Variants in FAM228B observed in about 807,000 individuals in gnomAD.
FAM228B encodes protein FAM228B.
A neutral mutation model predicts 42.6 loss-of-function variants in FAM228B; 38 were observed. The observed-to-expected ratio is 0.89, with a 90% CI of 0.69 to 1.17. The LOEUF is 1.17. Ranked by LOEUF, FAM228B falls within the 50% of genes most tolerant of loss-of-function variation. The pLI, the probability that FAM228B is intolerant of heterozygous loss-of-function variation, is 0.00. For missense variants in FAM228B, 344 were observed against 367.3 expected, an observed-to-expected ratio of 0.94 and a Z score of 0.52; for synonymous variants, 109 against 122.3, an observed-to-expected ratio of 0.89 and a Z score of 0.72.
intron 7 of FAM228B, among the ~76,000 whole-genome samples, chr2:24,149,957 A>G (rs909782704): frequency 2.0e-5 from 3 of 152,242 alleles, no homozygotes; most frequent in Non-Finnish European, 4.4e-5. Flanking sequence ...GACTGATTGC[A>G]TATACAAACG....
intron 2 of FAM228B, among the ~76,000 whole-genome samples, chr2:24,083,849 C>A (rs1403285802): frequency 6.6e-6 from 1 of 152,158 alleles, no homozygotes; most frequent in Non-Finnish European, 1.5e-5. Context: ...ACTGCTTAAC[C>A]TCACTGAACT....
At chr2:24,162,469 T>C (rs1243322884) in intron 8 of FAM228B, among the ~76,000 whole-genome samples, 1 of 152,208 alleles carries the variant, frequency 6.6e-6, no homozygotes, top group Non-Finnish European at 1.5e-5. Flanking sequence ...CAGATATTGC[T>C]GGAGGGAATG....
intron 3 of FAM228B, among the ~76,000 whole-genome samples, chr2:24,101,942 A>G (rs924527434): frequency 1.3e-5 from 2 of 152,288 alleles, no homozygotes; most frequent in Admixed American, 1.3e-4. Flanking sequence ...TTGGCTTCCC[A>G]AAGCGCTGGG....
intron 1 of FAM228B, chr2:24,079,432 T>C: frequency 6.2e-7 from 1 of 1,612,518 alleles, no homozygotes; most frequent in South Asian, 1.1e-5. Flanking sequence ...TTTCTTTTCA[T>C]TCATCACTCA....
At chr2:24,163,746 T>G (rs2151032272) in intron 8 of FAM228B, among the ~76,000 whole-genome samples, 1 of 152,306 alleles carries the variant, frequency 6.6e-6, no homozygotes, top group South Asian at 2.1e-4. Flanking sequence ...AGGAGGATAT[T>G]GCATTTCTGG....
intron 1 of FAM228B, chr2:24,078,933 G>A (rs980995757): frequency 6.5e-6 from 1 of 154,878 alleles, no homozygotes; most frequent in East Asian, 1.9e-4. Flanking sequence ...GGGTACAGTG[G>A]CTATGCACAG....
intron 8 of FAM228B, 133 bp from the exon 9 acceptor site, chr2:24,164,065 A>G (rs2151032413): frequency 1.2e-6 from 1 of 823,162 alleles, no homozygotes; most frequent in Non-Finnish European, 1.8e-6. Flanking sequence ...CAAAAAAAGT[A>G]AATACGTTTA....
intron 5 of FAM228B, among the ~76,000 whole-genome samples, chr2:24,145,297 C>T (rs1229031390): frequency 1.3e-5 from 2 of 152,208 alleles, no homozygotes; most frequent in African/African-American, 2.4e-5. Flanking sequence ...GTCCCCATCC[C>T]CCGCAAAGCC....
At chr2:24,151,567 C>T (rs574040202) in intron 7 of FAM228B, among the ~76,000 whole-genome samples, 119 of 151,280 alleles carry the variant, frequency 7.9e-4, no homozygotes, top group African/African-American at 2.8e-3. Flanking sequence ...TCTGGGAATA[C>T]AGGCATGAGC....
Position 24,160,742 on chromosome 2 carries a change from C to T in FAM228B, c.687-764C>T, listed in dbSNP as rs373756158. Among the ~76,000 whole-genome samples, 12 of 152,128 alleles carry T rather than the reference C, an allele frequency of 7.9e-5. No homozygotes were observed. In the South Asian group the frequency reaches 1.9e-3, roughly 24 times the overall value. On this transcript the variant is annotated intron_variant, in intron 7 of 10. Coordinates refer to ENST00000615575, the MANE Select transcript of FAM228B (RefSeq NM_001145710.2). Reference sequence around the variant, plus strand: ...CTGTGCCAGCAAAATTTATGTTCTACGCAGGGCCAATATCACCCTTCCAAT... The same window carrying T: ...CTGTGCCAGCAAAATTTATGTTCTATGCAGGGCCAATATCACCCTTCCAAT...
chr2:24,163,286 T>C (rs1667323810), intron 8 of FAM228B, among the ~76,000 whole-genome samples: 1 of 152,188 alleles, frequency 6.6e-6, no homozygotes, highest in South Asian at 2.1e-4. Flanking sequence ...TTAGAGATGC[T>C]GGTATGACCA....
chr2:24,083,038 T>C (rs753657713), intron 2 of FAM228B: 1 of 1,614,196 alleles, frequency 6.2e-7, no homozygotes, highest in South Asian at 1.1e-5. Context: ...GCCATGGCTG[T>C]GTCCCCGATC....
In FAM228B at chr2:24,078,620, C is replaced by T. The variant is rs184955582; in HGVS notation, c.-290+1651C>T. 4.5e-3 allele frequency among the ~76,000 whole-genome samples: 688 copies of T among 152,214 alleles called. 3 individuals are homozygous for T. Among genetic ancestry groups the T allele is most frequent in the Admixed American group, 7.8e-3 (120 of 15,294 alleles). On this transcript the variant is annotated intron_variant, in intron 1 of 10. Coordinates refer to the FAM228B transcript ENST00000613899. ...GTGATCTCTGGCTCCCTTGTACCTC[C>T]AAATGTGTAACTTCTGTTCTGTACC...
intron 7 of FAM228B, among the ~76,000 whole-genome samples, chr2:24,158,209 TTTTTC>T (rs1333754379): frequency 7.7e-5 from 11 of 142,818 alleles, no homozygotes; most frequent in Non-Finnish European, 1.2e-4. Context: ...TTTTTTTTTT[TTTTTC>T]CAAAACATTG....
At chr2:24,123,699 C>T (rs1216508115) in intron 1 of FAM228B, among the ~76,000 whole-genome samples, 166 bp downstream of exon 1, 1 of 151,556 alleles carries the variant, frequency 6.6e-6, no homozygotes, top group Non-Finnish European at 1.5e-5. Flanking sequence ...GGCGACCTCC[C>T]CGCCAGGCCG....
chr2:24,119,929 TG>T (rs1255598236), upstream of FAM228B, among the ~76,000 whole-genome samples: 4 of 152,180 alleles, frequency 2.6e-5, no homozygotes, highest in African/African-American at 9.6e-5. Context: ...AGATGGATTT[TG>T]AAAAAGTTCT....
In FAM228B at chr2:24,082,933, C is replaced by T. The variant is rs751143927; in HGVS notation, c.-210+1978C>T. ...GCGGTGAGCCAGGCCTCTGGGATGG[C>T]TGCAGCCTGGGTCAGGGTCAATCCC... is the stretch of plus-strand genomic sequence containing the variant. On this transcript the variant is annotated intron_variant, in intron 2 of 10. Coordinates refer to the FAM228B transcript ENST00000613899. The T allele has an allele frequency of 1.4e-5, 22 of 1,613,256 alleles. 1 individual carries two copies. The highest frequency in any genetic ancestry group is 1.8e-5 in the Non-Finnish European group (21 of 1,179,840).
intron 2 of FAM228B, among the ~76,000 whole-genome samples, chr2:24,129,014 GTTTC>G (rs1224249210): frequency 6.6e-6 from 1 of 151,964 alleles, no homozygotes; most frequent in African/African-American, 2.4e-5. Context: ...TCTTGCAGGT[GTTTC>G]TTTGCCCATT....
chr2:24,149,128 A>G (rs1321400175), intron 7 of FAM228B, among the ~76,000 whole-genome samples: 4 of 152,128 alleles, frequency 2.6e-5, no homozygotes, highest in African/African-American at 9.7e-5. Context: ...TCATCTGTTG[A>G]TGGACATTGA....
Sources: gnomAD v4.1 joint callset for allele counts (sites outside exome capture counted in the v4.1 genomes callset) on GRCh38, gnomAD v4.1.1 for gene constraint, MANE v1.5 for transcripts, NCBI Gene and HGNC (gene_info 2026-07-23, HGNC 2026-07-21) for gene names.